Variants in FRMPD4 observed in about 807,000 individuals in gnomAD.
The protein encoded by FRMPD4 is FERM and PDZ domain containing 4.
Under a neutral mutation model 94.1 loss-of-function variants are expected in FRMPD4, and 22 were observed. The ratio of observed to expected loss-of-function variants is 0.23; its 90% confidence interval spans 0.17 to 0.33. The LOEUF (loss-of-function observed/expected upper bound fraction) is 0.33. FRMPD4 is among the 10% of genes least tolerant of loss of function. FRMPD4 has a pLI of 1.00. For synonymous variants in FRMPD4, 631 were observed against 548.6 expected (o/e 1.15, Z -2.10); for missense variants, 1,111 against 1,339.9 (o/e 0.83, Z 2.67).
intron 3 of FRMPD4, among the ~76,000 whole-genome samples, chrX:12,059,606 G>C (rs927672332): frequency 9.2e-6 from 1 of 108,721 alleles, no homozygotes; most frequent in East Asian, 2.9e-4. Context: ...TTCAATCCTT[G>C]TCCCCCTTCC....
chrX:12,327,560 C>T (rs1353584284), intron 1 of FRMPD4, among the ~76,000 whole-genome samples: 1 of 112,153 alleles, frequency 8.9e-6, no homozygotes, highest in African/African-American at 3.2e-5. Flanking sequence ...TTATATTATA[C>T]AGCAATTAAA....
chrX:12,186,693 A>G (rs1050357058), intron 1 of FRMPD4, among the ~76,000 whole-genome samples: 6 of 112,225 alleles, frequency 5.3e-5, no homozygotes, highest in Middle Eastern at 4.6e-3. Context: ...GAAATATTTC[A>G]TTGAAAGGAA....
At chrX:12,396,203 A>T (rs1436320933) in intron 1 of FRMPD4, 1 of 111,904 alleles carries the variant, frequency 8.9e-6, no homozygotes, top group African/African-American at 3.3e-5. Context: ...GAAGAGCAAG[A>T]ATGAAACGTG....
chrX:12,389,286 C>T (rs1159836834), intron 1 of FRMPD4, among the ~76,000 whole-genome samples: 2 of 109,615 alleles, frequency 1.8e-5, no homozygotes, highest in Non-Finnish European at 3.8e-5. Context: ...CCAGCCTGGC[C>T]AACATGGGGA....
At chrX:12,251,044 A>T (rs1475899061) in intron 1 of FRMPD4, among the ~76,000 whole-genome samples, 1 of 112,335 alleles carries the variant, frequency 8.9e-6, no homozygotes, top group East Asian at 2.8e-4. Context: ...AATTCCAGAC[A>T]TTACAAATGG....
chrX:12,287,574 A>G (rs1259347092), intron 1 of FRMPD4, among the ~76,000 whole-genome samples: 1 of 111,580 alleles, frequency 9.0e-6, no homozygotes, highest in Middle Eastern at 4.2e-3. Context: ...TACTATAATC[A>G]GGTTTGGAAT....
At chrX:12,475,749 C>T (rs1261776586) in intron 1 of FRMPD4, among the ~76,000 whole-genome samples, 2 of 111,955 alleles carry the variant, frequency 1.8e-5, no homozygotes, top group African/African-American at 3.3e-5. Context: ...AGGAATCCAA[C>T]TTACAAGGGA....
chrX:12,489,380 T>C (rs777190428), intron 1 of FRMPD4, among the ~76,000 whole-genome samples: 2 of 112,085 alleles, frequency 1.8e-5, no homozygotes, highest in East Asian at 5.6e-4. Context: ...AATAGCTAAA[T>C]CGGAAAATGT....
intron 3 of FRMPD4, among the ~76,000 whole-genome samples, chrX:12,026,187 C>T (rs2054660318): frequency 9.0e-6 from 1 of 111,606 alleles, no homozygotes; most frequent in African/African-American, 3.3e-5. Flanking sequence ...CCACCATCAT[C>T]TCTTGCCTTG....
chrX:12,419,493 A>G (rs2056854871), intron 1 of FRMPD4, among the ~76,000 whole-genome samples: 1 of 112,564 alleles, frequency 8.9e-6, no homozygotes, highest in Non-Finnish European at 1.9e-5. Flanking sequence ...ATATTTCAAT[A>G]ATTTATCAGT....
At chrX:12,551,992 T>C (rs1443819309) in intron 2 of FRMPD4, among the ~76,000 whole-genome samples, 1 of 111,919 alleles carries the variant, frequency 8.9e-6, no homozygotes, top group Non-Finnish European at 1.9e-5. Context: ...GTTGAGTCTT[T>C]CCCTTTATTC....
chrX:12,461,033 T>G (rs1443086975), intron 1 of FRMPD4, among the ~76,000 whole-genome samples: 2 of 112,108 alleles, frequency 1.8e-5, no homozygotes, highest in African/African-American at 6.5e-5. Flanking sequence ...TAGTTATTAA[T>G]AGCAAGTTTC....
chrX:12,197,122 A>C (rs2056576380), intron 1 of FRMPD4, among the ~76,000 whole-genome samples: 1 of 111,276 alleles, frequency 9.0e-6, no homozygotes, highest in Non-Finnish European at 1.9e-5. Context: ...GTTAAAAATT[A>C]GTATTGAGGA....
chrX:12,296,891 G>C (rs924868853), intron 1 of FRMPD4, among the ~76,000 whole-genome samples: 2 of 112,336 alleles, frequency 1.8e-5, no homozygotes, highest in Non-Finnish European at 3.8e-5. Flanking sequence ...ATCCCACCAG[G>C]ACCTGGCCAT....
chrX:12,376,696 C>T lies in FRMPD4; in HGVS notation c.42-121984C>T, dbSNP rs896415017. Among the ~76,000 whole-genome samples, 3 of 112,939 alleles carry T rather than the reference C, an allele frequency of 2.7e-5. No homozygotes were observed. In the South Asian group the frequency reaches 1.1e-3, roughly 41 times the overall value. On this transcript the variant is annotated intron_variant, in intron 1 of 16. Coordinates refer to ENST00000675598, the MANE Select transcript of FRMPD4 (RefSeq NM_001368397.1). The stretch of plus-strand genomic sequence containing the variant: ...TCACCTGCACACACAGTTTCTTTAT[C>T]CTTGGTTGGCAGATGTGAAAATTCT...
intron 3 of FRMPD4, among the ~76,000 whole-genome samples, chrX:12,036,736 A>G (rs2054722538): frequency 9.0e-6 from 1 of 111,658 alleles, no homozygotes; most frequent in Non-Finnish European, 1.9e-5. Context: ...ATTTGGGTAG[A>G]CTTTATTTCA....
intron 4 of FRMPD4, among the ~76,000 whole-genome samples, chrX:12,663,702 T>C (rs2059743457): frequency 1.8e-5 from 2 of 112,450 alleles, no homozygotes; most frequent in Non-Finnish European, 3.8e-5. Context: ...TTTGGTTCCA[T>C]ATGAAATTTA....
chrX:12,573,371 A>T (rs2058778284), intron 2 of FRMPD4, among the ~76,000 whole-genome samples: 1 of 111,607 alleles, frequency 9.0e-6, no homozygotes, highest in Non-Finnish European at 1.9e-5. Context: ...TAGTTTGAAA[A>T]CTCTCAGAAC....
At chrX:12,139,865 C>T (rs1341928345) in intron 1 of FRMPD4, among the ~76,000 whole-genome samples, 2 of 111,520 alleles carry the variant, frequency 1.8e-5, no homozygotes, top group Non-Finnish European at 3.8e-5. Context: ...GCCCAACCTT[C>T]TCTGCCCCTG....
Sources: gnomAD v4.1 joint callset for allele counts (sites outside exome capture counted in the v4.1 genomes callset) on GRCh38, gnomAD v4.1.1 for gene constraint, MANE v1.5 for transcripts, NCBI Gene and HGNC (gene_info 2026-07-23, HGNC 2026-07-21) for gene names.